The following ABCC9 variants were observed in gnomAD, a reference collection of about 807,000 sequenced individuals.
The protein encoded by ABCC9 is ATP-binding cassette sub-family C member 9.
ABCC9 carries 95 observed loss-of-function variants against 188.3 expected under a neutral mutation model. The observed-to-expected ratio is 0.50, with a 90% confidence interval of 0.43 to 0.60. The LOEUF (loss-of-function observed/expected upper bound fraction) is 0.60, where lower values mean the gene tolerates loss of function less well. Among genes scored for constraint, ABCC9 ranks in the 20% least tolerant of loss-of-function variants. ABCC9 has a pLI of 0.00. For synonymous variants in ABCC9, 659 were observed against 652.7 expected (o/e 1.01, Z -0.15); for missense variants, 1,102 against 1,876.3 (o/e 0.59, Z 7.62).
At chr12:21,859,138 T>A (rs1206180092) in intron 22 of ABCC9, among the ~76,000 whole-genome samples, 2 of 152,168 alleles carry the variant, frequency 1.3e-5, no homozygotes, top group Non-Finnish European at 2.9e-5. Context: ...CTTTCTACAG[T>A]TGTAGGGAGC....
At chr12:21,921,314 G>A (rs562725611) in intron 5 of ABCC9, among the ~76,000 whole-genome samples, 17 of 152,054 alleles carry the variant, frequency 1.1e-4, no homozygotes, top group Non-Finnish European at 2.4e-4. Flanking sequence ...GCATTTCTCC[G>A]ATGATCAGTG....
At position 21,910,270 on chromosome 12, in the gene ABCC9, A is replaced by G; in HGVS notation, c.1207T>C (p.Leu403=). The change falls in exon 10 of 40, where the codon TTA becomes CTA. Residue 403 remains leucine, a synonymous_variant. Transcript: ENST00000261200. ...CCCAGAGTCATCTCCCCCATGGATA[A>G]GTTAGACGTAGAGAGCCTAAGGATT... The part of the protein sequence containing the change: ...NKILRLSTSN[L]SMGEMTLGQI... 3 of 1,610,894 alleles carry G rather than the reference A, an allele frequency of 1.9e-6. No homozygotes were observed. Among genetic ancestry groups the G allele is most frequent in the South Asian group, 1.1e-5 (1 of 90,892 alleles).
At chr12:21,859,901 G>C (rs968365546) in intron 21 of ABCC9, among the ~76,000 whole-genome samples, 3 of 152,088 alleles carry the variant, frequency 2.0e-5, no homozygotes, top group Non-Finnish European at 4.4e-5. Flanking sequence ...CTCTAATAGA[G>C]ATCTCTGCTG....
At chr12:21,807,299 A>G (rs1227948869) in intron 38 of ABCC9, 47 bp downstream of exon 38, 4 of 1,612,752 alleles carry the variant, frequency 2.5e-6, no homozygotes, top group South Asian at 1.1e-5. Flanking sequence ...ATTTTCATGC[A>G]CATTTCTCCA....
At chr12:21,871,442 C>T (rs1490825816) in intron 18 of ABCC9, among the ~76,000 whole-genome samples, 1 of 152,202 alleles carries the variant, frequency 6.6e-6, no homozygotes, top group Admixed American at 6.5e-5. Flanking sequence ...TTGCCAATGA[C>T]ACTGAAAACA....
At chr12:21,918,329 T>C (rs571777398) in intron 5 of ABCC9, among the ~76,000 whole-genome samples, 131 of 152,266 alleles carry the variant, frequency 8.6e-4, no homozygotes, top group Non-Finnish European at 1.5e-3. Flanking sequence ...CTCATACTAT[T>C]TGATATTTAT....
chr12:21,865,384 C>A (rs1945728987), intron 18 of ABCC9, among the ~76,000 whole-genome samples: 2 of 152,070 alleles, frequency 1.3e-5, no homozygotes, highest in Non-Finnish European at 2.9e-5. Flanking sequence ...AAAAAGGCAA[C>A]CTCAGACTAA....
At chr12:21,810,718 T>C (rs542058400) in intron 36 of ABCC9, among the ~76,000 whole-genome samples, 2 of 152,276 alleles carry the variant, frequency 1.3e-5, no homozygotes, top group South Asian at 4.1e-4. Context: ...GATGAGGTTT[T>C]GGTGGGGACA....
intron 22 of ABCC9, among the ~76,000 whole-genome samples, chr12:21,855,495 T>TA (rs1307485409): frequency 6.6e-6 from 1 of 152,206 alleles, no homozygotes; most frequent in Non-Finnish European, 1.5e-5. Flanking sequence ...GTGCTAGGAT[T>TA]ACAGGTGTGA....
chr12:21,812,268 C>T, intron 35 of ABCC9, 111 bp from the exon 36 acceptor site: 6 of 792,440 alleles, frequency 7.6e-6, no homozygotes, highest in Non-Finnish European at 1.3e-5. Context: ...TCAGGAGACC[C>T]ACTTTTCCAT....
chr12:21,881,259 G>A (rs969943872), intron 16 of ABCC9, among the ~76,000 whole-genome samples: 2 of 152,136 alleles, frequency 1.3e-5, no homozygotes, highest in East Asian at 3.9e-4. Flanking sequence ...GCAGTATGTT[G>A]TATTTCACAA....
At chr12:21,861,584 T>C (rs907794869) in intron 20 of ABCC9, among the ~76,000 whole-genome samples, 1 of 152,018 alleles carries the variant, frequency 6.6e-6, no homozygotes, top group Non-Finnish European at 1.5e-5. Flanking sequence ...GATACAAAAA[T>C]ATACGATGAA....
chr12:21,857,010 A>T (rs1945260100), intron 22 of ABCC9, among the ~76,000 whole-genome samples: 1 of 152,190 alleles, frequency 6.6e-6, no homozygotes, highest in South Asian at 2.1e-4. Context: ...CAAATGGGAT[A>T]ATACTGTACC....
At chr12:21,878,217 G>A (rs374948587) in intron 16 of ABCC9, among the ~76,000 whole-genome samples, 50 of 152,244 alleles carry the variant, frequency 3.3e-4, no homozygotes, top group African/African-American at 1.2e-3. Flanking sequence ...ATAAAAATTT[G>A]TAAGTGCTAA....
At chr12:21,803,989 A>C (rs1002062000) in intron 39 of ABCC9, among the ~76,000 whole-genome samples, 5 of 152,150 alleles carry the variant, frequency 3.3e-5, no homozygotes, top group South Asian at 2.1e-4. Context: ...GTTTAAGTTA[A>C]TTCTATAAGG....
intron 12 of ABCC9, 29 bp downstream of exon 12, chr12:21,906,097 C>T (rs201656745): frequency 1.7e-4 from 280 of 1,609,660 alleles, no homozygotes; most frequent in Non-Finnish European, 2.2e-4. Context: ...CCCTTAAAGT[C>T]GCCTGTTCTT....
intron 14 of ABCC9, among the ~76,000 whole-genome samples, chr12:21,890,740 T>C (rs1947116629): frequency 6.6e-6 from 1 of 151,378 alleles, no homozygotes; most frequent in Non-Finnish European, 1.5e-5. Flanking sequence ...AAACACCGCA[T>C]GTTCTCACTC....
intron 32 of ABCC9, 33 bp from the exon 33 acceptor site, chr12:21,817,340 T>C: frequency 6.2e-7 from 1 of 1,607,490 alleles, no homozygotes; most frequent in Non-Finnish European, 8.5e-7. Context: ...TTGTTTTAAA[T>C]AAATTAAAGT....
intron 4 of ABCC9, 90 bp from the exon 5 acceptor site, chr12:21,926,153 A>C: frequency 6.4e-7 from 1 of 1,551,596 alleles, no homozygotes; most frequent in Admixed American, 1.7e-5. Flanking sequence ...ACTCTATCTT[A>C]GCAATAAGAT....
Sources: allele counts gnomAD v4.1 joint callset (sites outside exome capture counted in the v4.1 genomes callset), GRCh38; gene constraint gnomAD v4.1.1; transcripts MANE v1.5; gene names NCBI Gene and HGNC (gene_info 2026-07-23, HGNC 2026-07-21).